SLC28A3: variants seen among roughly 807,000 people sequenced by gnomAD.
SLC28A3 encodes the protein concentrative Na(+)-nucleoside cotransporter 3.
In SLC28A3, 68 loss-of-function variants were observed where a neutral mutation model predicts 84.2. The ratio of observed to expected loss-of-function variants is 0.81; its 90% confidence interval spans 0.66 to 0.99. The LOEUF (loss-of-function observed/expected upper bound fraction) is 0.99, where lower values mean the gene tolerates loss of function less well. Among genes scored for constraint, SLC28A3 ranks in the 50% least tolerant of loss-of-function variants. The probability of loss-of-function intolerance (pLI) is 0.00; values close to 1 mark genes in which losing one functional copy is unlikely to be tolerated. For missense variants in SLC28A3, 712 were observed against 841.5 expected, an observed-to-expected ratio of 0.85 and a Z score of 1.90; for synonymous variants, 267 against 303.6, an observed-to-expected ratio of 0.88 and a Z score of 1.25.
chr9:84,294,050 T>C, intron 9 of SLC28A3, 145 bp downstream of exon 9: 1 of 648,928 alleles, frequency 1.5e-6, no homozygotes. Flanking sequence ...TTGGAGGTTT[T>C]GAATCTAATC....
At chr9:84,308,272 G>A (rs549940944) in intron 3 of SLC28A3, among the ~76,000 whole-genome samples, 4 of 152,198 alleles carry the variant, frequency 2.6e-5, no homozygotes, top group East Asian at 1.9e-4. Flanking sequence ...CTGGCCGGGC[G>A]TGGTGGCTCA....
the SLC28A3 span, among the ~76,000 whole-genome samples, chr9:84,365,775 G>A: frequency 7.2e-5 from 11 of 152,200 alleles, no homozygotes; most frequent in Admixed American, 6.5e-5. Context: ...CGAAGACTGG[G>A]CGTGGTGGCT....
At chr9:84,333,317 C>T (rs1049276948) in intron 1 of SLC28A3, among the ~76,000 whole-genome samples, 1 of 152,088 alleles carries the variant, frequency 6.6e-6, no homozygotes, top group Non-Finnish European at 1.5e-5. Flanking sequence ...GTGGGCAAAA[C>T]ATGGGGGAAG....
At chr9:84,292,623 G>A (rs1478013957) in intron 10 of SLC28A3, 45 bp downstream of exon 10, 8 of 1,461,854 alleles carry the variant, frequency 5.5e-6, no homozygotes, top group Admixed American at 3.9e-5. Context: ...GGAAAGAGAC[G>A]ATCCATTTCA....
At position 84,290,173 on chromosome 9, in the gene SLC28A3, C is replaced by T; in HGVS notation, c.1130G>A (p.Gly377Asp). The change falls in exon 11 of 18, where the codon GGT becomes GAT. Residue 377 changes from glycine to aspartate, a missense_variant. Physicochemically the swap from Gly to Asp is moderately conservative, Grantham distance 94. Coordinates refer to ENST00000376238, the MANE Select transcript of SLC28A3 (RefSeq NM_001199633.2). ...TCTTACCCCAAAAGAAATGTATGCA[C>T]CTAGCACGCTTCCAGCAATGGTAGA... Reference protein sequence around the residue: ...GFSTIAGSVLGAYISFGVPSS... With the variant: ...GFSTIAGSVLDAYISFGVPSS... 6.2e-7 allele frequency: 1 copy of T among 1,614,128 alleles called. No homozygotes were observed. Among genetic ancestry groups the T allele is most frequent in the Non-Finnish European group, 8.5e-7 (1 of 1,179,994 alleles).
chr9:84,319,590 G>A (rs1335897563), intron 1 of SLC28A3, among the ~76,000 whole-genome samples: 1 of 152,174 alleles, frequency 6.6e-6, no homozygotes, highest in East Asian at 1.9e-4. Context: ...CCTTGCGGCT[G>A]TTGGGTTATC....
rs1449023131 is a variant in SLC28A3, at chr9:84,286,772, C to T, written c.1281-661G>A. 1.1e-4 allele frequency among the ~76,000 whole-genome samples: 16 copies of T among 152,204 alleles called. No individual in the cohort carries two copies. In the South Asian group the frequency reaches 1.2e-3, roughly 12 times the overall value. ...ATCACCTCATTTAAAAATGGAGTGC[C>T]ACCATCACTTTGAATCCCCCTGTGT... On this transcript the variant is annotated intron_variant, in intron 12 of 17. Transcript: ENST00000376238.
intron 1 of SLC28A3, among the ~76,000 whole-genome samples, chr9:84,334,886 C>A (rs1353546171): frequency 6.6e-6 from 1 of 152,146 alleles, no homozygotes; most frequent in East Asian, 1.9e-4. Flanking sequence ...CTTTCGGAGT[C>A]TTTTCTGTTG....
intron 14 of SLC28A3, among the ~76,000 whole-genome samples, 171 bp downstream of exon 14, chr9:84,285,170 AAGTT>A (rs1255226821): frequency 1.1e-4 from 16 of 152,178 alleles, no homozygotes; most frequent in African/African-American, 2.7e-4. Flanking sequence ...ACATAACTGA[AAGTT>A]AGGAAGTGCT....
intron 1 of SLC28A3, among the ~76,000 whole-genome samples, chr9:84,320,639 A>C (rs79556807): frequency 2.0e-5 from 3 of 152,076 alleles, no homozygotes; most frequent in African/African-American, 7.2e-5. Flanking sequence ...TATGGGACGG[A>C]CACTGCTTTG....
At chr9:84,357,268 G>A in the SLC28A3 span, among the ~76,000 whole-genome samples, 158 of 152,258 alleles carry the variant, frequency 1.0e-3, no homozygotes, top group African/African-American at 3.6e-3. Flanking sequence ...CTTCATTCAC[G>A]AGAAGTAAAA....
At chr9:84,282,565 G>A (rs1824798693) in intron 14 of SLC28A3, among the ~76,000 whole-genome samples, 1 of 152,294 alleles carries the variant, frequency 6.6e-6, no homozygotes, top group African/African-American at 2.4e-5. Flanking sequence ...TCCCTTTCAC[G>A]GGGCAGTCAG....
At chr9:84,311,607 T>G (rs571595547) in intron 2 of SLC28A3, among the ~76,000 whole-genome samples, 60 of 152,090 alleles carry the variant, frequency 3.9e-4, no homozygotes, top group Admixed American at 7.2e-4. Context: ...ATCCCAGCAC[T>G]TTGGGAGGCC....
At chr9:84,300,378 G>A (rs1825581514) in intron 5 of SLC28A3, among the ~76,000 whole-genome samples, 1 of 152,166 alleles carries the variant, frequency 6.6e-6, no homozygotes, top group Non-Finnish European at 1.5e-5. Context: ...GGATGGGTGA[G>A]GTGTTACCTG....
the SLC28A3 span, among the ~76,000 whole-genome samples, chr9:84,360,648 T>G: frequency 6.6e-6 from 1 of 152,202 alleles, no homozygotes; most frequent in Non-Finnish European, 1.5e-5. Context: ...CTGGGTGCCG[T>G]GGCTTATAAT....
At chr9:84,356,574 G>A in the SLC28A3 span, among the ~76,000 whole-genome samples, 2 of 152,110 alleles carry the variant, frequency 1.3e-5, no homozygotes, top group African/African-American at 2.4e-5. Context: ...GCTCACGCTC[G>A]TAATCCCAGC....
Position 84,335,711 on chromosome 9 carries a change from ACGTGTG to A in SLC28A3, c.60+4857_60+4862del, listed in dbSNP as rs1258192141. The stretch of plus-strand genomic sequence containing the variant: ...GCACTGTTTTCACAAGTATGTATAT[ACGTGTG>A]TGTGTGTGTGTGTGTGTGTGTGTGT... On this transcript the variant is annotated intron_variant, in intron 1 of 17. Transcript: ENST00000376238. Among the ~76,000 whole-genome samples, 12 of 111,766 alleles carry A rather than the reference ACGTGTG, an allele frequency of 1.1e-4. No homozygotes were observed. In the South Asian group the frequency reaches 2.9e-3, roughly 27 times the overall value. The allele number at this position is 111,766 out of a possible 152,430, so 73.3% of individuals were successfully genotyped here.
intron 1 of SLC28A3, among the ~76,000 whole-genome samples, chr9:84,335,979 T>C (rs963374710): frequency 6.6e-6 from 1 of 151,912 alleles, no homozygotes; most frequent in Non-Finnish European, 1.5e-5. Context: ...GTTTGGATTA[T>C]GACAGTAACT....
At chr9:84,297,101 C>A in intron 8 of SLC28A3, 120 bp downstream of exon 8, 1 of 685,508 alleles carries the variant, frequency 1.5e-6, no homozygotes, top group Non-Finnish European at 2.5e-6. Context: ...TATTGCACAC[C>A]TCTGACCAGC....
Sources: allele counts gnomAD v4.1 joint callset (sites outside exome capture counted in the v4.1 genomes callset), GRCh38; gene constraint gnomAD v4.1.1; transcripts MANE v1.5; gene names NCBI Gene and HGNC (gene_info 2026-07-23, HGNC 2026-07-21).